DENND11: variants seen among roughly 807,000 people sequenced by gnomAD.
DENND11 encodes DENN domain containing 11, also known as DENN domain-containing protein 11.
DENND11 carries 34 observed loss-of-function variants against 49.2 expected under a neutral mutation model. The ratio of observed to expected loss-of-function variants is 0.69; its 90% CI spans 0.53 to 0.92. The LOEUF is 0.92. DENND11 is among the 40% of genes least tolerant of loss of function. The pLI is 0.00. For synonymous variants in DENND11, 238 were observed against 230.3 expected, an observed-to-expected ratio of 1.03 and a Z score of -0.30; for missense variants, 475 against 581.6, an observed-to-expected ratio of 0.82 and a Z score of 1.88.
At chr7:141,687,487 T>C (rs925881605) in intron 1 of DENND11, among the ~76,000 whole-genome samples, 2 of 151,522 alleles carry the variant, frequency 1.3e-5, no homozygotes, top group Non-Finnish European at 2.9e-5. Flanking sequence ...TTCTCGAGAC[T>C]GAGTTTCACT....
intron 4 of DENND11, among the ~76,000 whole-genome samples, chr7:141,673,489 A>C (rs1303654026): frequency 6.6e-6 from 1 of 152,176 alleles, no homozygotes; most frequent in Non-Finnish European, 1.5e-5. Context: ...GACTCTTGGC[A>C]TAATTTCTCT....
intron 4 of DENND11, among the ~76,000 whole-genome samples, chr7:141,669,244 G>GT (rs36043478): frequency 0.12 from 15,696 of 133,758 alleles, 1,220 homozygotes; most frequent in East Asian, 0.33. Flanking sequence ...CTTCTTTAAA[G>GT]TTTTTTTTTT....
chr7:141,685,403 T>A lies in DENND11; in HGVS notation c.527+75A>T, dbSNP rs548355988. On this transcript the variant is annotated intron_variant, in intron 3 of 8. Coordinates refer to ENST00000536163, the MANE Select transcript of DENND11 (RefSeq NM_001080392.2). ...CTGCTGCTCTGGCACGCAAATGCTG[T>A]CTCCGAGGGCTCGTGCCATATGCAC... The A allele has an allele frequency of 1.4e-5, 22 of 1,542,028 alleles. 1 individual carries two copies. In the South Asian group the frequency reaches 2.5e-4, roughly 18 times the overall value.
intron 3 of DENND11, among the ~76,000 whole-genome samples, chr7:141,678,431 A>G (rs1468411541): frequency 6.6e-6 from 1 of 152,186 alleles, no homozygotes; most frequent in Non-Finnish European, 1.5e-5. Context: ...AAAGTTTCCT[A>G]TAATAACTAT....
chr7:141,680,644 C>T (rs930732744), intron 3 of DENND11, among the ~76,000 whole-genome samples: 20 of 151,460 alleles, frequency 1.3e-4, no homozygotes, highest in African/African-American at 4.8e-4. Context: ...TTCCAGATCA[C>T]TCAAGTTCCA....
At chr7:141,696,132 C>A (rs1392262517) in intron 1 of DENND11, among the ~76,000 whole-genome samples, 1 of 152,204 alleles carries the variant, frequency 6.6e-6, no homozygotes, top group African/African-American at 2.4e-5. Flanking sequence ...ATGGTCTGAA[C>A]CCTGCCACTT....
At chr7:141,673,048 A>T (rs1798006357) in intron 4 of DENND11, among the ~76,000 whole-genome samples, 1 of 152,198 alleles carries the variant, frequency 6.6e-6, no homozygotes, top group Non-Finnish European at 1.5e-5. Flanking sequence ...TAGTTTGCTC[A>T]TGTCTCATGA....
chr7:141,685,060 T>TA (rs2117071815), intron 3 of DENND11, among the ~76,000 whole-genome samples: 1 of 130,144 alleles, frequency 7.7e-6, no homozygotes, highest in African/African-American at 2.8e-5. Context: ...ATATATATAT[T>TA]TTTAAGTTCT....
chr7:141,686,831 G>A (rs1310230732), intron 1 of DENND11, among the ~76,000 whole-genome samples, 173 bp from the exon 2 acceptor site: 3 of 152,182 alleles, frequency 2.0e-5, no homozygotes, highest in Non-Finnish European at 4.4e-5. Flanking sequence ...GGTGACGCCG[G>A]AGGACGTGGA....
chr7:141,701,742 A>G, intron 1 of DENND11, 144 bp downstream of exon 1: 1 of 672,002 alleles, frequency 1.5e-6, no homozygotes, highest in South Asian at 7.2e-5. Flanking sequence ...GCCCTTCCCC[A>G]AGCCCGGGAG....
At chr7:141,664,804 G>A in intron 7 of DENND11, 100 bp downstream of exon 7, 3 of 1,302,130 alleles carry the variant, frequency 2.3e-6, no homozygotes, top group Non-Finnish European at 3.1e-6. Flanking sequence ...TGGGAGAAAT[G>A]TGTCAGGGAA....
At chr7:141,686,521 G>T in intron 2 of DENND11, 38 bp downstream of exon 2, 1 of 1,310,136 alleles carries the variant, frequency 7.6e-7, no homozygotes, top group Non-Finnish European at 1.1e-6. Context: ...GAGGTGGGGG[G>T]AATGGTACGA....
chr7:141,693,203 T>C (rs1173704833), intron 1 of DENND11, among the ~76,000 whole-genome samples: 1 of 152,216 alleles, frequency 6.6e-6, no homozygotes, highest in African/African-American at 2.4e-5. Context: ...GTAAAAGATC[T>C]GAACAGACAA....
Position 141,658,495 on chromosome 7 carries a change from A to C in DENND11, c.*4161T>G, listed in dbSNP as rs577361414. On this transcript the variant is annotated 3_prime_UTR_variant, in exon 9 of 9. Coordinates refer to ENST00000536163, the MANE Select transcript of DENND11 (RefSeq NM_001080392.2). ...CGGGGAGAAGACAGGAGGGCTGGCCATTTGGCAGAATCCAAGCCTACTAGC... is the reference window on the plus strand; with the variant it reads ...CGGGGAGAAGACAGGAGGGCTGGCCCTTTGGCAGAATCCAAGCCTACTAGC... 2 of 152,208 alleles carry C rather than the reference A, an allele frequency of 1.3e-5. No homozygotes were observed. The highest frequency in any genetic ancestry group is 2.4e-5 in the African/African-American group (1 of 41,446). The allele number at this position is 152,208 out of a possible 1,614,324, so 9.4% of individuals were successfully genotyped here.
chr7:141,665,376 TCGGAGC>T, intron 5 of DENND11, 58 bp from the exon 6 acceptor site: 1 of 1,603,118 alleles, frequency 6.2e-7, no homozygotes, highest in Non-Finnish European at 8.5e-7. Flanking sequence ...CCTTCCTCCC[TCGGAGC>T]CTGCGGCTCA....
At chr7:141,701,850 C>A in intron 1 of DENND11, 36 bp downstream of exon 1, 1 of 1,168,032 alleles carries the variant, frequency 8.6e-7, no homozygotes, top group Non-Finnish European at 1.1e-6. Flanking sequence ...GGCACCCCGA[C>A]CCTCCCCACG....
At chr7:141,674,928 C>T (rs114744451) in intron 3 of DENND11, among the ~76,000 whole-genome samples, 5 of 152,158 alleles carry the variant, frequency 3.3e-5, no homozygotes, top group East Asian at 1.9e-4. Flanking sequence ...TCCTGCCCCC[C>T]AGTGGAGCGC....
intron 1 of DENND11, among the ~76,000 whole-genome samples, chr7:141,697,324 G>C (rs1375015967): frequency 6.6e-6 from 1 of 152,180 alleles, no homozygotes; most frequent in Non-Finnish European, 1.5e-5. Context: ...CTTCACAGCA[G>C]ATGGCTACAA....
intron 4 of DENND11, among the ~76,000 whole-genome samples, chr7:141,669,567 T>C (rs1797945843): frequency 6.6e-6 from 1 of 152,024 alleles, no homozygotes; most frequent in Admixed American, 6.5e-5. Flanking sequence ...TTTATACGTG[T>C]GTTCATGTTG....
Sources: gnomAD v4.1 joint callset for allele counts (sites outside exome capture counted in the v4.1 genomes callset) on GRCh38, gnomAD v4.1.1 for gene constraint, MANE v1.5 for transcripts, NCBI Gene and HGNC (gene_info 2026-07-23, HGNC 2026-07-21) for gene names.